The following TNFSF8 variants were observed in gnomAD, a reference collection of about 807,000 sequenced individuals.
TNFSF8 encodes TNF superfamily member 8, also known as tumor necrosis factor ligand superfamily member 8.
In TNFSF8, 4 loss-of-function variants were observed where a neutral mutation model predicts 22.0. That is an observed-to-expected ratio of 0.18 (90% CI 0.09 to 0.42). TNFSF8 has a LOEUF of 0.42. Ranked by LOEUF, TNFSF8 falls within the 10% of genes least tolerant of loss-of-function variation. The pLI is 1.00. For missense variants in TNFSF8, 233 were observed against 281.8 expected (o/e 0.83, Z 1.24); for synonymous variants, 106 against 112.5 (o/e 0.94, Z 0.37).
intron 1 of TNFSF8, 108 bp downstream of exon 1, chr9:114,930,001 A>G: frequency 2.8e-6 from 2 of 702,184 alleles, no homozygotes; most frequent in Non-Finnish European, 4.3e-6. Flanking sequence ...TTATTTATTT[A>G]ATTTTATTTT....
chr9:114,924,138 C>T lies in TNFSF8; in HGVS notation c.195+5971G>A, dbSNP rs576469117. Among the ~76,000 whole-genome samples the T allele has an allele frequency of 2.6e-4, 39 of 152,278 alleles. 1 individual carries two copies. In the East Asian group the frequency reaches 4.8e-3, roughly 19 times the overall value. ...CCAAAGGGCAAAGGAGATTTTAGCT[C>T]GGTGCTTCTCAAACTTTAATGTGCA... is the stretch of plus-strand genomic sequence containing the variant. On this transcript the variant is annotated intron_variant, in intron 1 of 3. Coordinates refer to ENST00000223795, the MANE Select transcript of TNFSF8 (RefSeq NM_001244.4).
chr9:114,917,090 G>C (rs927374), intron 2 of TNFSF8, among the ~76,000 whole-genome samples: 86,796 of 152,028 alleles, frequency 0.57, 26,758 homozygotes, highest in African/African-American at 0.8. Flanking sequence ...AAAGGCATGG[G>C]CAAGGGAAAC....
At position 114,905,818 on chromosome 9, in the gene TNFSF8, G is replaced by T; in HGVS notation, c.310+10C>A. On this transcript the variant is annotated intron_variant, in intron 3 of 3. Coordinates refer to ENST00000223795, the MANE Select transcript of TNFSF8 (RefSeq NM_001244.4). ...TCATATGTTTAGGTTTCCTGGGCTT[G>T]GTTACTGACCTTGGAGGTAGGCCCA... The T allele has an allele frequency of 6.2e-7, 1 of 1,605,644 alleles. No individual in the cohort carries two copies.
intron 1 of TNFSF8, among the ~76,000 whole-genome samples, chr9:114,923,522 C>CTTTCAT (rs758823996): frequency 1.1e-5 from 1 of 89,770 alleles, no homozygotes. Flanking sequence ...TTCTTTCTTT[C>CTTTCAT]TTTTTTTTTT....
chr9:114,902,736 T>C lies in TNFSF8; in HGVS notation c.*1195A>G. ...TCCAAAATTGTGTCTGGAATCTCAG[T>C]TCCCAGGGTCTGGTCTTCTGAGATG... On this transcript the variant is annotated 3_prime_UTR_variant, in exon 4 of 4. Coordinates refer to ENST00000223795, the MANE Select transcript of TNFSF8 (RefSeq NM_001244.4). 1 of 985,434 alleles carries C rather than the reference T, an allele frequency of 1.0e-6. No homozygotes were observed. The highest frequency in any genetic ancestry group is 4.7e-5 in the South Asian group (1 of 21,292). The allele number at this position is 985,434 out of a possible 1,614,324, so 61.0% of individuals were successfully genotyped here.
exon 5 of TNFSF8, chr9:114,893,954 C>T (rs546084713): frequency 1.8e-4 from 137 of 746,214 alleles, no homozygotes; most frequent in Non-Finnish European, 2.6e-4. Context: ...GGGGGTGAAC[C>T]GTTTCCTGGC....
At chr9:114,923,877 G>A (rs575049330) in intron 1 of TNFSF8, among the ~76,000 whole-genome samples, 41 of 152,242 alleles carry the variant, frequency 2.7e-4, no homozygotes, top group Admixed American at 5.2e-4. Flanking sequence ...GGTGGTCACC[G>A]CTTTAATCAA....
chr9:114,900,092 ACT>A (rs1827699397), downstream of TNFSF8, among the ~76,000 whole-genome samples: 1 of 152,168 alleles, frequency 6.6e-6, no homozygotes, highest in Admixed American at 6.5e-5. Flanking sequence ...CTCTACAATA[ACT>A]CTACTATCTA....
At chr9:114,927,722 C>T (rs1313453747) in intron 1 of TNFSF8, among the ~76,000 whole-genome samples, 2 of 152,194 alleles carry the variant, frequency 1.3e-5, no homozygotes, top group East Asian at 1.9e-4. Flanking sequence ...GCCAGTAAAA[C>T]CATTCTTATG....
chr9:114,917,035 G>A (rs1425719716), intron 2 of TNFSF8, among the ~76,000 whole-genome samples: 6 of 152,182 alleles, frequency 3.9e-5, no homozygotes, highest in Non-Finnish European at 8.8e-5. Flanking sequence ...GTCTTTTGGG[G>A]ACTTTTGCCC....
chr9:114,895,004 C>T (rs370529352), intron 4 of TNFSF8, among the ~76,000 whole-genome samples: 63 of 152,270 alleles, frequency 4.1e-4, no homozygotes, highest in African/African-American at 1.3e-3. Flanking sequence ...ATTGTGAGAA[C>T]GGAAGGCATA....
At chr9:114,919,667 G>T (rs977470337) in intron 1 of TNFSF8, among the ~76,000 whole-genome samples, 1 of 152,122 alleles carries the variant, frequency 6.6e-6, no homozygotes, top group African/African-American at 2.4e-5. Context: ...GTGTGTATGC[G>T]AAAAAACCAA....
At chr9:114,929,887 AT>A (rs1331082468) in intron 1 of TNFSF8, among the ~76,000 whole-genome samples, 4 of 147,742 alleles carry the variant, frequency 2.7e-5, no homozygotes, top group African/African-American at 7.4e-5. Context: ...ATATATATAT[AT>A]ATATAATATA....
At chr9:114,907,516 GTC>G (rs1827799155) in intron 2 of TNFSF8, among the ~76,000 whole-genome samples, 2 of 152,158 alleles carry the variant, frequency 1.3e-5, no homozygotes, top group African/African-American at 4.8e-5. Context: ...AGACCTGGCT[GTC>G]TGTTTGCATG....
chr9:114,901,115 C>G, downstream of TNFSF8: 6 of 985,134 alleles, frequency 6.1e-6, no homozygotes, highest in South Asian at 2.8e-4. Flanking sequence ...GAGTTTTTAC[C>G]AAAGAGGCAT....
chr9:114,923,558 C>T (rs1828020499), intron 1 of TNFSF8, among the ~76,000 whole-genome samples: 1 of 129,494 alleles, frequency 7.7e-6, no homozygotes, highest in South Asian at 2.3e-4. Context: ...CACTCTGTCA[C>T]TCAGGCTGGA....
intron 1 of TNFSF8, among the ~76,000 whole-genome samples, chr9:114,923,478 T>TTCTCTTTCTTTCTTTCTTTCTTTC (rs376484064): frequency 9.5e-6 from 1 of 105,682 alleles, no homozygotes; most frequent in Non-Finnish European, 1.9e-5. Flanking sequence ...TTTTCTTTCT[T>TTCTCTTTCTTTCTTTCTTTCTTTC]TTTCTTTCTT....
chr9:114,910,659 A>G (rs1248269813), intron 2 of TNFSF8, among the ~76,000 whole-genome samples: 2 of 152,210 alleles, frequency 1.3e-5, no homozygotes, highest in Non-Finnish European at 2.9e-5. Flanking sequence ...GGAGAATGCC[A>G]GCAGATGACT....
chr9:114,912,948 T>C lies in TNFSF8; in HGVS notation c.238+5148A>G, dbSNP rs1374755239. ...TGCAAATGTTAGAATGTTAAAGTGG[T>C]CAAAGAATCCTAAGATATTTGTTTG... On this transcript the variant is annotated intron_variant, in intron 2 of 3. Coordinates refer to ENST00000223795, the MANE Select transcript of TNFSF8 (RefSeq NM_001244.4). 2.6e-5 allele frequency among the ~76,000 whole-genome samples: 4 copies of C among 152,194 alleles called. No homozygotes were observed. The East Asian group carries it at 7.7e-4, about 29-fold the overall frequency.
Sources: gnomAD v4.1 joint callset for allele counts (sites outside exome capture counted in the v4.1 genomes callset) on GRCh38, gnomAD v4.1.1 for gene constraint, MANE v1.5 for transcripts, NCBI Gene and HGNC (gene_info 2026-07-23, HGNC 2026-07-21) for gene names.